The following NFIB variants were observed in gnomAD, a reference collection of about 807,000 sequenced individuals.
NFIB encodes the protein nuclear factor I B.
In NFIB, 11 loss-of-function variants were observed where a neutral mutation model predicts 61.5. The observed-to-expected ratio is 0.18, with a 90% confidence interval of 0.11 to 0.30. The LOEUF (loss-of-function observed/expected upper bound fraction) is 0.30, where lower values mean the gene tolerates loss of function less well. Ranked by LOEUF, NFIB falls within the 10% of genes least tolerant of loss-of-function variation. The probability of loss-of-function intolerance (pLI) is 1.00; values close to 1 mark genes in which losing one functional copy is unlikely to be tolerated. For synonymous variants in NFIB, 260 were observed against 216.5 expected (o/e 1.20, Z -1.76); for missense variants, 471 against 608.9 (o/e 0.77, Z 2.38).
chr9:14,246,965 A>ATCTC (rs148026880), intron 2 of NFIB, among the ~76,000 whole-genome samples: 1 of 150,568 alleles, frequency 6.6e-6, no homozygotes, highest in East Asian at 2.0e-4. Flanking sequence ...AATGTGCCTG[A>ATCTC]TCTCTCTCTC....
intron 1 of NFIB, chr9:14,322,373 G>C (rs2060683752): frequency 4.2e-6 from 1 of 239,300 alleles, no homozygotes; most frequent in Admixed American, 5.6e-5. Flanking sequence ...GTTTTAGCGG[G>C]GCTGCTCCAG....
chr9:14,350,560 C>T (rs1171223866), intron 1 of NFIB, among the ~76,000 whole-genome samples: 2 of 152,070 alleles, frequency 1.3e-5, no homozygotes, highest in African/African-American at 4.8e-5. Context: ...TGCTCTGATA[C>T]CGTTATTCCA....
chr9:14,205,761 T>A (rs1228675443), intron 2 of NFIB, among the ~76,000 whole-genome samples: 1 of 152,214 alleles, frequency 6.6e-6, no homozygotes, highest in African/African-American at 2.4e-5. Flanking sequence ...TCATAGTGCT[T>A]ATTCACTGAA....
chr9:14,203,300 A>G (rs1011219809), intron 2 of NFIB, among the ~76,000 whole-genome samples: 3 of 152,208 alleles, frequency 2.0e-5, no homozygotes, highest in Non-Finnish European at 4.4e-5. Flanking sequence ...AACCCCTCAA[A>G]AAAGCCCCTC....
intron 1 of NFIB, among the ~76,000 whole-genome samples, chr9:14,390,216 G>C (rs965884858): frequency 2.6e-5 from 4 of 152,136 alleles, no homozygotes; most frequent in African/African-American, 9.7e-5. Context: ...AGACAGATCT[G>C]AGTTTTATGT....
the NFIB span, among the ~76,000 whole-genome samples, chr9:14,491,633 G>A: frequency 6.6e-6 from 1 of 152,172 alleles, no homozygotes; most frequent in African/African-American, 2.4e-5. Flanking sequence ...TCTTTATTTT[G>A]AAGTAAGATG....
chr9:14,459,079 A>G, the NFIB span, among the ~76,000 whole-genome samples: 637 of 152,208 alleles, frequency 4.2e-3, 1 homozygote, highest in Non-Finnish European at 7.2e-3. Context: ...AGCCAAAAGA[A>G]CAAAGCTGGA....
intron 1 of NFIB, among the ~76,000 whole-genome samples, chr9:14,343,834 G>GT (rs2060983650): frequency 1.2e-5 from 1 of 83,028 alleles, no homozygotes; most frequent in Non-Finnish European, 2.1e-5. Flanking sequence ...AGGGGGGGTC[G>GT]GGGGGGGAAG....
chr9:14,272,914 G>A (rs1314776962), intron 2 of NFIB, among the ~76,000 whole-genome samples: 1 of 151,966 alleles, frequency 6.6e-6, no homozygotes, highest in Non-Finnish European at 1.5e-5. Flanking sequence ...GTGTTACTTA[G>A]CCTCAACTTA....
chr9:14,477,863 A>T, the NFIB span, among the ~76,000 whole-genome samples: 1 of 152,162 alleles, frequency 6.6e-6, no homozygotes, highest in Non-Finnish European at 1.5e-5. Context: ...CATTGCAAGC[A>T]TTTTGGCAAA....
chr9:14,248,120 G>C (rs997517063), intron 2 of NFIB, among the ~76,000 whole-genome samples: 1 of 151,210 alleles, frequency 6.6e-6, no homozygotes, highest in East Asian at 2.0e-4. Flanking sequence ...TTTTTGTAGA[G>C]ATGGGGTCTC....
the NFIB span, among the ~76,000 whole-genome samples, chr9:14,460,164 T>C: frequency 3.5e-4 from 54 of 152,282 alleles, no homozygotes; most frequent in Non-Finnish European, 5.7e-4. Flanking sequence ...GTGGCACATA[T>C]ACATCATGGA....
chr9:14,174,454 G>C (rs2045918764), intron 3 of NFIB, among the ~76,000 whole-genome samples: 1 of 152,082 alleles, frequency 6.6e-6, no homozygotes, highest in Non-Finnish European at 1.5e-5. Context: ...ACATGAGAAG[G>C]AATAGACATG....
intron 6 of NFIB, among the ~76,000 whole-genome samples, chr9:14,145,135 G>A (rs1379142954): frequency 6.6e-6 from 1 of 152,142 alleles, no homozygotes; most frequent in South Asian, 2.1e-4. Context: ...TCTGAGGGGG[G>A]GGTCTCACAG....
At chr9:14,420,318 C>T in the NFIB span, among the ~76,000 whole-genome samples, 3 of 151,614 alleles carry the variant, frequency 2.0e-5, no homozygotes, top group South Asian at 2.1e-4. Flanking sequence ...TGGTGGTGTG[C>T]GCTTGCAATC....
intron 1 of NFIB, among the ~76,000 whole-genome samples, chr9:14,378,961 T>C (rs2061452261): frequency 6.6e-6 from 1 of 152,152 alleles, no homozygotes; most frequent in Admixed American, 6.5e-5. Flanking sequence ...GATGGAAGCC[T>C]CCCACAATTA....
intron 2 of NFIB, among the ~76,000 whole-genome samples, chr9:14,222,283 T>C (rs949628705): frequency 1.3e-5 from 2 of 152,156 alleles, no homozygotes; most frequent in African/African-American, 2.4e-5. Flanking sequence ...AATTCTAAGA[T>C]GGCCCCTAAG....
intron 3 of NFIB, among the ~76,000 whole-genome samples, chr9:14,175,267 A>T (rs1003341141): frequency 7.2e-6 from 1 of 139,074 alleles, no homozygotes; most frequent in South Asian, 2.3e-4. Context: ...TCCGCCTCCC[A>T]GGTTCACGCC....
the NFIB span, among the ~76,000 whole-genome samples, chr9:14,416,209 T>A: frequency 1.3e-5 from 2 of 152,234 alleles, no homozygotes; most frequent in East Asian, 1.9e-4. Context: ...TCCCATAGAT[T>A]ATAACAGAGC....
Sources: allele counts gnomAD v4.1 joint callset (sites outside exome capture counted in the v4.1 genomes callset), GRCh38; gene constraint gnomAD v4.1.1; transcripts MANE v1.5; gene names NCBI Gene and HGNC (gene_info 2026-07-23, HGNC 2026-07-21).